The following EYS variants were observed in gnomAD, a reference collection of about 807,000 sequenced individuals.
The protein encoded by EYS is protein eyes shut homolog.
EYS carries 250 observed loss-of-function variants against 282.1 expected under a neutral mutation model. That is an observed-to-expected ratio of 0.89 (90% CI 0.80 to 0.98). The LOEUF is 0.98. Ranked by LOEUF, EYS falls within the 50% of genes least tolerant of loss-of-function variation. The probability of loss-of-function intolerance (pLI) is 0.00; values close to 1 mark genes in which losing one functional copy is unlikely to be tolerated. For missense variants in EYS, 4,016 were observed against 3,709.0 expected, an observed-to-expected ratio of 1.08 and a Z score of -2.15; for synonymous variants, 1,355 against 1,282.9, an observed-to-expected ratio of 1.06 and a Z score of -1.20.
rs1364110187 is a variant in EYS, at chr6:63,978,350, T to C, written c.7055+6033A>G. ...GGAGGTTCACTGGTAAACTTTTATA[T>C]TGAGAATAATCTAACTAAATATAAA... On this transcript the variant is annotated intron_variant, in intron 35 of 42. Transcript: ENST00000503581. Among the ~76,000 whole-genome samples the C allele has an allele frequency of 3.3e-5, 5 of 151,938 alleles. No homozygotes were observed. In the East Asian group the frequency reaches 7.8e-4, roughly 24 times the overall value.
intron 36 of EYS, among the ~76,000 whole-genome samples, chr6:63,859,075 G>GTT (rs745344580): frequency 4.2e-5 from 2 of 47,936 alleles, no homozygotes; most frequent in African/African-American, 1.1e-4. Flanking sequence ...GTCCTAGAGA[G>GTT]TTTTTTTTTT....
intron 35 of EYS, among the ~76,000 whole-genome samples, chr6:63,978,279 C>T (rs761035558): frequency 2.2e-4 from 34 of 152,062 alleles, no homozygotes; most frequent in Admixed American, 1.8e-3. Flanking sequence ...CTTTCCCCGC[C>T]ACCTGTTTCT....
intron 34 of EYS, among the ~76,000 whole-genome samples, chr6:63,993,179 A>G (rs1037138338): frequency 3.3e-5 from 5 of 151,846 alleles, no homozygotes; most frequent in Admixed American, 6.6e-5. Flanking sequence ...TTAGGAGGAA[A>G]TTAATTCAAC....
intron 12 of EYS, among the ~76,000 whole-genome samples, chr6:65,108,842 C>T (rs1775121715): frequency 6.6e-6 from 1 of 152,116 alleles, no homozygotes; most frequent in Non-Finnish European, 1.5e-5. Flanking sequence ...ATTTGAATAA[C>T]ATCTAACAAT....
intron 2 of EYS, among the ~76,000 whole-genome samples, chr6:65,530,041 C>T (rs936041810): frequency 6.6e-6 from 1 of 152,142 alleles, no homozygotes; most frequent in Admixed American, 6.5e-5. Flanking sequence ...CTGCCTGTCT[C>T]ATATTTTTAT....
rs538631008 is a variant in EYS at position 65,181,847 on chromosome 6, T to G, written c.2023+114016A>C. ...GGATAGACTGGATTAAGAAAATGTG[T>G]CACATATACACCATGGAATACTATG... On this transcript the variant is annotated intron_variant, in intron 12 of 42. Transcript: ENST00000503581. Among the ~76,000 whole-genome samples, 270 of 152,010 alleles carry G rather than the reference T, an allele frequency of 1.8e-3. 2 individuals carry two copies. Among genetic ancestry groups the G allele is most frequent in the African/African-American group, 5.7e-3 (238 of 41,502 alleles).
At chr6:64,943,575 C>T (rs953879793) in intron 15 of EYS, among the ~76,000 whole-genome samples, 1 of 151,898 alleles carries the variant, frequency 6.6e-6, no homozygotes, top group African/African-American at 2.4e-5. Context: ...AATATGAAAT[C>T]TCATTTACAA....
chr6:64,243,614 C>T (rs2150344575), intron 30 of EYS, among the ~76,000 whole-genome samples: 1 of 152,288 alleles, frequency 6.6e-6, no homozygotes, highest in South Asian at 2.1e-4. Flanking sequence ...AAACTCACTG[C>T]AAGGGAGCAC....
chr6:64,368,823 G>A (rs1772261039), intron 29 of EYS, among the ~76,000 whole-genome samples: 1 of 152,072 alleles, frequency 6.6e-6, no homozygotes, highest in Admixed American at 6.6e-5. Context: ...TGTATGCATA[G>A]TTTTCAAATA....
At chr6:65,080,803 CA>C (rs1774211405) in intron 12 of EYS, among the ~76,000 whole-genome samples, 1 of 152,056 alleles carries the variant, frequency 6.6e-6, no homozygotes, top group Admixed American at 6.6e-5. Context: ...TGTGCTATTT[CA>C]AAACAATGAT....
At chr6:65,696,491 G>A (rs1183012863) in intron 1 of EYS, among the ~76,000 whole-genome samples, 2 of 151,822 alleles carry the variant, frequency 1.3e-5, no homozygotes, top group Non-Finnish European at 2.9e-5. Flanking sequence ...TGTTCTTAAC[G>A]GTAGTCTTGA....
chr6:65,561,293 G>A (rs544662032), intron 2 of EYS, among the ~76,000 whole-genome samples: 32 of 152,166 alleles, frequency 2.1e-4, no homozygotes, highest in South Asian at 6.2e-4. Flanking sequence ...ACACAAAATT[G>A]GCTTAGGCAA....
At chr6:64,596,239 T>C (rs921568539) in intron 24 of EYS, among the ~76,000 whole-genome samples, 6 of 122,406 alleles carry the variant, frequency 4.9e-5, no homozygotes, top group Non-Finnish European at 7.1e-5. Flanking sequence ...CAATTTAACA[T>C]GAGATTTGGG....
intron 12 of EYS, among the ~76,000 whole-genome samples, chr6:65,084,701 T>G (rs1487544296): frequency 2.0e-5 from 3 of 152,170 alleles, no homozygotes; most frequent in African/African-American, 4.8e-5. Context: ...CAAATTTAAT[T>G]TTGTCAGCAT....
chr6:63,949,205 T>C (rs2149763645), intron 35 of EYS, among the ~76,000 whole-genome samples: 1 of 152,294 alleles, frequency 6.6e-6, no homozygotes, highest in Non-Finnish European at 1.5e-5. Flanking sequence ...GAAGTGTCTA[T>C]GCTTTACATA....
At chr6:64,849,606 C>A (rs1396611479) in intron 19 of EYS, among the ~76,000 whole-genome samples, 1 of 152,018 alleles carries the variant, frequency 6.6e-6, no homozygotes, top group Non-Finnish European at 1.5e-5. Context: ...TCTTACCAGA[C>A]TAAAATTAGT....
intron 26 of EYS, among the ~76,000 whole-genome samples, chr6:64,520,620 C>T (rs1170296999): frequency 6.7e-6 from 1 of 150,150 alleles, no homozygotes; most frequent in African/African-American, 2.4e-5. Flanking sequence ...TTGAGAATGA[C>T]AAAAAAAAAT....
At chr6:64,780,739 C>T (rs1471559651) in intron 22 of EYS, among the ~76,000 whole-genome samples, 1 of 152,024 alleles carries the variant, frequency 6.6e-6, no homozygotes, top group Non-Finnish European at 1.5e-5. Flanking sequence ...AATCCTGTGA[C>T]CCAAGTGAAG....
intron 26 of EYS, among the ~76,000 whole-genome samples, chr6:64,572,130 T>C (rs1483095613): frequency 1.3e-5 from 2 of 152,012 alleles, no homozygotes; most frequent in Admixed American, 6.6e-5. Flanking sequence ...CATATGCAAA[T>C]CAAAAAACAT....
Sources: allele counts gnomAD v4.1 joint callset (sites outside exome capture counted in the v4.1 genomes callset), GRCh38; gene constraint gnomAD v4.1.1; transcripts MANE v1.5; gene names NCBI Gene and HGNC (gene_info 2026-07-23, HGNC 2026-07-21).